VPS13D: variants seen among roughly 807,000 people sequenced by gnomAD.
VPS13D encodes the protein vacuolar protein sorting 13 homolog D, also known as intermembrane lipid transfer protein VPS13D.
Under a neutral mutation model 461.9 loss-of-function variants are expected in VPS13D, and 187 were observed. That is an observed-to-expected ratio of 0.40 (90% confidence interval 0.36 to 0.46). VPS13D has a LOEUF of 0.46. Ranked by LOEUF, VPS13D falls within the 20% of genes least tolerant of loss-of-function variation. The probability of loss-of-function intolerance (pLI) is 0.60; values close to 1 mark genes in which losing one functional copy is unlikely to be tolerated. For synonymous variants in VPS13D, 1,951 were observed against 1,986.3 expected (o/e 0.98, Z 0.47); for missense variants, 4,711 against 5,364.9 (o/e 0.88, Z 3.81).
intron 12 of VPS13D, 82 bp from the exon 13 acceptor site, chr1:12,261,819 C>T (rs1641117850): frequency 1.7e-6 from 2 of 1,202,986 alleles, no homozygotes; most frequent in Non-Finnish European, 2.3e-6. Context: ...ATAACATCAT[C>T]ATAACTGTGA....
chr1:12,425,244 TG>T (rs1464008544), intron 65 of VPS13D, among the ~76,000 whole-genome samples: 7 of 152,156 alleles, frequency 4.6e-5, no homozygotes, highest in African/African-American at 1.7e-4. Flanking sequence ...GGGAATGTCT[TG>T]GTCAATATGA....
At chr1:12,428,302 C>T (rs1644951157) in intron 65 of VPS13D, among the ~76,000 whole-genome samples, 1 of 152,338 alleles carries the variant, frequency 6.6e-6, no homozygotes, top group South Asian at 2.1e-4. Flanking sequence ...GATACAGGCA[C>T]AGGCATATCA....
intron 68 of VPS13D, among the ~76,000 whole-genome samples, chr1:12,501,952 C>T (rs1646040697): frequency 6.6e-6 from 1 of 152,124 alleles, no homozygotes; most frequent in Admixed American, 6.5e-5. Context: ...CAGAAGAGCT[C>T]ACGGCAGGTC....
chr1:12,279,703 A>T lies in VPS13D; in HGVS notation c.4602+53A>T. 1.4e-6 allele frequency: 2 copies of T among 1,406,136 alleles called. No homozygotes were observed. Among genetic ancestry groups the T allele is most frequent in the South Asian group, 1.6e-5 (1 of 62,404 alleles). 87.1% of individuals were successfully genotyped at this position (1,406,136 alleles called of 1,614,324 possible). Reference sequence around the variant, plus strand: ...CATATGTTTATATTAGTACTCTATAAATATGATATATATTTATGTATATTA... The same window carrying T: ...CATATGTTTATATTAGTACTCTATATATATGATATATATTTATGTATATTA... On this transcript the variant is annotated intron_variant, in intron 20 of 69. Coordinates refer to ENST00000620676, the MANE Select transcript of VPS13D (RefSeq NM_015378.4). The surrounding 1 kb of genome is among the most constrained non-coding windows in gnomAD (Gnocchi z 4.3).
At chr1:12,291,166 A>C in intron 23 of VPS13D, 42 bp downstream of exon 23, 1 of 1,589,678 alleles carries the variant, frequency 6.3e-7, no homozygotes, top group Non-Finnish European at 8.6e-7. Context: ...TTTTATCATA[A>C]TACTTGCTGT....
chr1:12,317,056 A>G (rs1642907797), intron 30 of VPS13D, among the ~76,000 whole-genome samples: 1 of 149,506 alleles, frequency 6.7e-6, no homozygotes, highest in Non-Finnish European at 1.5e-5. Context: ...TCCCTGGTAA[A>G]TGTCATCTTA....
intron 5 of VPS13D, among the ~76,000 whole-genome samples, chr1:12,247,752 G>A (rs1640605067): frequency 6.7e-6 from 1 of 148,888 alleles, no homozygotes; most frequent in African/African-American, 2.5e-5. Context: ...TGCTCAGGCT[G>A]GAATGTGGTG....
At chr1:12,292,756 T>A (rs1440357237) in intron 23 of VPS13D, among the ~76,000 whole-genome samples, 1 of 152,154 alleles carries the variant, frequency 6.6e-6, no homozygotes, top group Non-Finnish European at 1.5e-5. Context: ...GTGTTTTTTT[T>A]AAAATGCTGA....
intron 50 of VPS13D, 102 bp downstream of exon 50, chr1:12,358,703 T>C: frequency 2.8e-6 from 4 of 1,438,588 alleles, no homozygotes; most frequent in Non-Finnish European, 3.7e-6. Context: ...CTACAAGTAC[T>C]GATTTTCTTA....
Position 12,338,788 on chromosome 1 carries a change from G to A in VPS13D, c.8626+483G>A, listed in dbSNP as rs1409096304. 6.6e-5 allele frequency among the ~76,000 whole-genome samples: 10 copies of A among 152,068 alleles called. No individual in the cohort carries two copies. The South Asian group carries it at 2.1e-3, about 32-fold the overall frequency. On this transcript the variant is annotated intron_variant, in intron 40 of 69. Transcript: ENST00000620676. ...CTTAGACACAAACCTTAATTTCTTT[G>A]GATGTCAGTTTTTGTGTTTAGGAGA...
chr1:12,254,654 G>C (rs571936653), intron 7 of VPS13D, among the ~76,000 whole-genome samples: 2 of 149,558 alleles, frequency 1.3e-5, no homozygotes, highest in Admixed American at 1.4e-4. Flanking sequence ...CTCCCAAATA[G>C]CTGGGTTTAC....
intron 46 of VPS13D, among the ~76,000 whole-genome samples, chr1:12,351,088 T>C (rs2101592738): frequency 6.6e-6 from 1 of 152,336 alleles, no homozygotes; most frequent in African/African-American, 2.4e-5. Context: ...CATATAACAT[T>C]ACTAGTGAAT....
At chr1:12,309,675 T>C (rs1322123871) in intron 27 of VPS13D, among the ~76,000 whole-genome samples, 2 of 150,542 alleles carry the variant, frequency 1.3e-5, no homozygotes, top group Non-Finnish European at 3.0e-5. Flanking sequence ...GGCAGGAGAA[T>C]TGATTATACC....
intron 57 of VPS13D, among the ~76,000 whole-genome samples, chr1:12,380,391 C>T (rs1004630549): frequency 6.6e-6 from 1 of 152,210 alleles, no homozygotes; most frequent in African/African-American, 2.4e-5. Context: ...CATCTACATG[C>T]TCTTGATTCT....
chr1:12,464,498 A>G (rs1390812456), intron 67 of VPS13D, among the ~76,000 whole-genome samples: 3 of 152,148 alleles, frequency 2.0e-5, no homozygotes, highest in Admixed American at 6.5e-5. Context: ...CCAGTAATCC[A>G]TCTGAAAAGT....
intron 67 of VPS13D, among the ~76,000 whole-genome samples, chr1:12,477,545 T>C (rs908070127): frequency 3.3e-5 from 5 of 152,212 alleles, no homozygotes; most frequent in African/African-American, 1.2e-4. Context: ...AAAGCCCTCC[T>C]CTTGGGCTAA....
rs1172305138 is a variant in VPS13D at position 12,323,765 on chromosome 1, C to G, written c.7975C>G (p.Leu2659Val). ...GFSMDDCRKA[L>V]LACQGQLKKA... ...CAGCATGGATGATTGTCGCAAAGCT[C>G]TTTTGGCGTGTCAAGGTAATTTGAA... is the stretch of plus-strand genomic sequence containing the variant. The change falls in exon 35 of 70, where the codon CTT becomes GTT. Residue 2659 changes from leucine (L) to valine (V), a missense_variant. Physicochemically the swap from Leu to Val is conservative, Grantham distance 32. Around this residue, in one of 3 missense-constraint regions of VPS13D, gnomAD observed 4,411 missense variants for 4,937.8 expected, o/e 0.89. Transcript: ENST00000620676. The G allele has an allele frequency of 6.2e-7, 1 of 1,613,912 alleles. No homozygotes were observed. The highest frequency in any genetic ancestry group is 2.2e-5 in the East Asian group (1 of 44,884).
At chr1:12,474,472 C>T (rs1016414959) in intron 67 of VPS13D, among the ~76,000 whole-genome samples, 5 of 151,240 alleles carry the variant, frequency 3.3e-5, no homozygotes, top group Non-Finnish European at 7.4e-5. Context: ...TTATGTAGGT[C>T]GGGGTCCCCT....
intron 66 of VPS13D, among the ~76,000 whole-genome samples, chr1:12,459,215 A>T (rs1447229750): frequency 1.3e-5 from 2 of 152,224 alleles, no homozygotes; most frequent in African/African-American, 4.8e-5. Context: ...TGAATTTGCC[A>T]CACGTTTCAA....
Sources: allele counts gnomAD v4.1 joint callset (sites outside exome capture counted in the v4.1 genomes callset), GRCh38; gene constraint gnomAD v4.1.1; regional missense constraint gnomAD v4.1.1; non-coding constraint Gnocchi (gnomAD v3.1); transcripts MANE v1.5; gene names NCBI Gene and HGNC (gene_info 2026-07-23, HGNC 2026-07-21).